The following RNF220 variants were observed in gnomAD, a reference collection of about 807,000 sequenced individuals.
RNF220 encodes ring finger protein 220.
In RNF220, 7 loss-of-function variants were observed where a neutral mutation model predicts 67.1. The observed-to-expected ratio is 0.10, with a 90% CI of 0.06 to 0.20. The LOEUF (loss-of-function observed/expected upper bound fraction) is 0.20, where lower values mean the gene tolerates loss of function less well. Among genes scored for constraint, RNF220 ranks in the 10% least tolerant of loss-of-function variants. RNF220 has a pLI of 1.00. For synonymous variants in RNF220, 270 were observed against 283.2 expected, an observed-to-expected ratio of 0.95 and a Z score of 0.47; for missense variants, 565 against 740.3, an observed-to-expected ratio of 0.76 and a Z score of 2.75.
In RNF220 at chr1:44,546,991, G is replaced by A. The variant is rs549463652; in HGVS notation, c.626-67174G>A. On this transcript the variant is annotated intron_variant, in intron 2 of 14. Coordinates refer to ENST00000361799, the MANE Select transcript of RNF220 (RefSeq NM_018150.4). The stretch of plus-strand genomic sequence containing the variant: ...TAAATAAGCAAAGGAAGAGAAGGAA[G>A]CAGGGCAGAAAGAAGGGAGAAGAAA... 7.2e-4 allele frequency among the ~76,000 whole-genome samples: 110 copies of A among 152,360 alleles called. No homozygotes were observed. In the South Asian group the frequency reaches 0.021, roughly 30 times the overall value.
intron 6 of RNF220, among the ~76,000 whole-genome samples, chr1:44,633,796 A>G (rs1158129850): frequency 6.6e-6 from 1 of 152,246 alleles, no homozygotes; most frequent in Non-Finnish European, 1.5e-5. Flanking sequence ...CTACACTTCT[A>G]GAACTCTCAG....
At chr1:44,614,004 A>G (rs1163025864) in intron 2 of RNF220, among the ~76,000 whole-genome samples, 161 bp from the exon 3 acceptor site, 1 of 152,164 alleles carries the variant, frequency 6.6e-6, no homozygotes, top group African/African-American at 2.4e-5. Context: ...TGGAGCTGCA[A>G]GGAGGAGGGG....
In RNF220 at chr1:44,405,525, C is replaced by A; in HGVS notation, c.-123C>A. 2.3e-6 allele frequency: 1 copy of A among 436,318 alleles called. No individual in the cohort carries two copies. The highest frequency in any genetic ancestry group is 4.5e-5 in the East Asian group (1 of 22,084). 27.0% of individuals were successfully genotyped at this position (436,318 alleles called of 1,614,324 possible). On this transcript the variant is annotated 5_prime_UTR_variant, in exon 1 of 15. Coordinates refer to ENST00000361799, the MANE Select transcript of RNF220 (RefSeq NM_018150.4). ...CGACCGTTCTCCCAAGGAATTTCCA[C>A]GGCAAGTATGGAGATCAGAAAGGGG... is the stretch of plus-strand genomic sequence containing the variant.
At chr1:44,615,626 A>T (rs459088) in intron 3 of RNF220, among the ~76,000 whole-genome samples, 10 of 152,066 alleles carry the variant, frequency 6.6e-5, no homozygotes, top group East Asian at 3.9e-4. Flanking sequence ...GCATGAGGGT[A>T]GGGAGGGTCA....
intron 2 of RNF220, among the ~76,000 whole-genome samples, chr1:44,450,024 C>G (rs1301095736): frequency 6.6e-6 from 1 of 152,144 alleles, no homozygotes; most frequent in African/African-American, 2.4e-5. Flanking sequence ...CCAGCCTGAC[C>G]AACAGAGAGA....
At chr1:44,618,375 G>A (rs948489983) in intron 3 of RNF220, among the ~76,000 whole-genome samples, 1 of 152,198 alleles carries the variant, frequency 6.6e-6, no homozygotes, top group Non-Finnish European at 1.5e-5. Context: ...ATTCCCACAG[G>A]TACATGGGTG....
chr1:44,580,263 C>T (rs1451981862), intron 2 of RNF220, among the ~76,000 whole-genome samples: 1 of 152,062 alleles, frequency 6.6e-6, no homozygotes, highest in East Asian at 1.9e-4. Flanking sequence ...AGATGCTGTG[C>T]TTTTTTCCCC....
chr1:44,412,217 C>T lies in RNF220; in HGVS notation c.120C>T (p.Ile40=). The T allele has an allele frequency of 6.2e-7, 1 of 1,614,214 alleles. No homozygotes were observed. Among genetic ancestry groups the T allele is most frequent in the South Asian group, 1.1e-5 (1 of 91,078 alleles). ...STAEASRDAS[I]PCQQPRPFGV... is the part of the protein sequence containing the mutation. Reference sequence around the variant, plus strand: ...CTGAGGCCAGCCGTGATGCTTCCATCCCTTGTCAGCAGCCACGACCCTTTG... The same window carrying T: ...CTGAGGCCAGCCGTGATGCTTCCATTCCTTGTCAGCAGCCACGACCCTTTG... The change falls in exon 2 of 15, where the codon ATC becomes ATT. Residue 40 remains isoleucine, a synonymous_variant. Coordinates refer to ENST00000361799, the MANE Select transcript of RNF220 (RefSeq NM_018150.4). This position sits in a 1 kb window ranked among gnomAD's most constrained non-coding sequence, Gnocchi z 5.3.
intron 2 of RNF220, among the ~76,000 whole-genome samples, chr1:44,576,544 G>T (rs1280719634): frequency 1.3e-5 from 2 of 152,140 alleles, no homozygotes; most frequent in Non-Finnish European, 2.9e-5. Flanking sequence ...TGGGCAAGGA[G>T]AAGCCAGTGG....
At chr1:44,567,219 A>G (rs1258634797) in intron 2 of RNF220, among the ~76,000 whole-genome samples, 1 of 152,080 alleles carries the variant, frequency 6.6e-6, no homozygotes, top group Non-Finnish European at 1.5e-5. Context: ...GAACAGTACA[A>G]ACAGAAGACT....
intron 2 of RNF220, among the ~76,000 whole-genome samples, chr1:44,586,146 G>A (rs1665677221): frequency 1.3e-5 from 2 of 152,174 alleles, no homozygotes; most frequent in Admixed American, 6.5e-5. Context: ...AAGAAATGAG[G>A]TGGTGGAAAG....
intron 2 of RNF220, among the ~76,000 whole-genome samples, chr1:44,548,575 C>T (rs1662362949): frequency 6.6e-6 from 1 of 152,144 alleles, no homozygotes; most frequent in Non-Finnish European, 1.5e-5. Flanking sequence ...CTCACCACAG[C>T]CTCGACCTCC....
chr1:44,620,714 C>T (rs1172863769), intron 3 of RNF220, among the ~76,000 whole-genome samples: 1 of 152,160 alleles, frequency 6.6e-6, no homozygotes, highest in Non-Finnish European at 1.5e-5. Context: ...AGACCTTGGC[C>T]TCACTCTGCT....
intron 2 of RNF220, among the ~76,000 whole-genome samples, chr1:44,514,464 C>A (rs1228146977): frequency 6.6e-6 from 1 of 152,158 alleles, no homozygotes; most frequent in Non-Finnish European, 1.5e-5. Context: ...AGGCATTCGT[C>A]CCTGGTTCAG....
At chr1:44,599,762 G>A (rs1666787485) in intron 2 of RNF220, among the ~76,000 whole-genome samples, 1 of 152,242 alleles carries the variant, frequency 6.6e-6, no homozygotes, top group South Asian at 2.1e-4. Context: ...GCTACATTTT[G>A]TCCAGCCAGA....
At chr1:44,648,304 G>GT (rs1269925101) in intron 12 of RNF220, 5 of 152,194 alleles carry the variant, frequency 3.3e-5, no homozygotes, top group African/African-American at 1.2e-4. Context: ...ATCTTATGGG[G>GT]TTTTTGTAAG....
chr1:44,593,913 T>C (rs1666285822), intron 2 of RNF220, among the ~76,000 whole-genome samples: 1 of 151,784 alleles, frequency 6.6e-6, no homozygotes, highest in Non-Finnish European at 1.5e-5. Flanking sequence ...GGTGAAACCC[T>C]GACTCTACTA....
chr1:44,407,187 G>C (rs1307794325), intron 1 of RNF220, among the ~76,000 whole-genome samples: 2 of 152,170 alleles, frequency 1.3e-5, no homozygotes, highest in East Asian at 3.9e-4. Flanking sequence ...GCCGCCGAGG[G>C]GGAGAGCACC....
In RNF220 at chr1:44,412,166, A is replaced by G; in HGVS notation, c.69A>G (p.Pro23=). 1 of 1,614,168 alleles carries G rather than the reference A, an allele frequency of 6.2e-7. No homozygotes were observed. The highest frequency in any genetic ancestry group is 8.5e-7 in the Non-Finnish European group (1 of 1,180,024). ...ACCTTCCCAACCCTCTGGCATCCCC[A>G]GCACTGATGGTCCTGGCATCCACGG... ...SSYLPNPLAS[P]ALMVLASTAE... The change falls in exon 2 of 15, where the codon CCA becomes CCG. Residue 23 remains proline, a synonymous_variant. Coordinates refer to ENST00000361799, the MANE Select transcript of RNF220 (RefSeq NM_018150.4). The surrounding 1 kb of genome is among the most constrained non-coding windows in gnomAD (Gnocchi z 5.3).
Sources: gnomAD v4.1 joint callset for allele counts (sites outside exome capture counted in the v4.1 genomes callset) on GRCh38, gnomAD v4.1.1 for gene constraint, Gnocchi (gnomAD v3.1) non-coding constraint, MANE v1.5 for transcripts, NCBI Gene and HGNC (gene_info 2026-07-23, HGNC 2026-07-21) for gene names.